Variants in MYT1 observed in about 807,000 individuals in gnomAD.
MYT1 encodes myelin transcription factor I.
In MYT1, 23 loss-of-function variants were observed where a neutral mutation model predicts 123.0. That is an observed-to-expected ratio of 0.19 (90% CI 0.13 to 0.26). The LOEUF is 0.26. Among genes scored for constraint, MYT1 ranks in the 10% least tolerant of loss-of-function variants. The pLI is 1.00. For synonymous variants in MYT1, 518 were observed against 575.3 expected, an observed-to-expected ratio of 0.90 and a Z score of 1.43; for missense variants, 1,125 against 1,472.5, an observed-to-expected ratio of 0.76 and a Z score of 3.86.
In MYT1 at chr20:64,219,346, A is replaced by G. The variant is rs113835594; in HGVS notation, c.1971+311A>G. ...CTGAGCCTGAGGGTGGTGCACACAC[A>G]TGCCCATGTGTTTCCTTCTGACTCC... On this transcript the variant is annotated intron_variant, in intron 12 of 22. Transcript: ENST00000328439. Among the ~76,000 whole-genome samples the G allele has an allele frequency of 1.6e-4, 25 of 152,330 alleles. 2 individuals carry two copies. Among genetic ancestry groups the G allele is most frequent in the African/African-American group, 5.8e-4 (24 of 41,588 alleles).
chr20:64,236,016 T>G (rs1458175491), intron 19 of MYT1, among the ~76,000 whole-genome samples: 4 of 119,218 alleles, frequency 3.4e-5, no homozygotes, highest in South Asian at 3.2e-4. Flanking sequence ...TGGGTGACCC[T>G]GGGCTGGCCG....
intron 4 of MYT1, among the ~76,000 whole-genome samples, chr20:64,204,390 A>G (rs1983417245): frequency 3.3e-5 from 5 of 152,188 alleles, no homozygotes; most frequent in Admixed American, 3.3e-4. Flanking sequence ...GCACAGCCCA[A>G]AAGTCTTCCA....
intron 2 of MYT1, among the ~76,000 whole-genome samples, chr20:64,195,338 C>T (rs1983078778): frequency 6.9e-6 from 1 of 145,612 alleles, no homozygotes; most frequent in Admixed American, 6.9e-5. Context: ...GTCTTCGTAC[C>T]ATGTCATGGT....
intron 16 of MYT1, among the ~76,000 whole-genome samples, chr20:64,224,024 A>G (rs1371463319): frequency 2.6e-5 from 4 of 152,172 alleles, no homozygotes; most frequent in African/African-American, 9.7e-5. Context: ...GCAAGCACCC[A>G]GAGGTTTCCA....
Position 64,198,927 on chromosome 20 carries a change from C to T in MYT1, c.55+11C>T. Reference sequence around the variant, plus strand: ...CCAAGGCCCTGCGAGGTGAGTGCCGCCCTCCCCTCCTCCAGGGCTGTAAAT... The same window carrying T: ...CCAAGGCCCTGCGAGGTGAGTGCCGTCCTCCCCTCCTCCAGGGCTGTAAAT... On this transcript the variant is annotated intron_variant, in intron 3 of 22. Transcript: ENST00000328439. The T allele has an allele frequency of 1.9e-6, 3 of 1,613,806 alleles. No homozygotes were observed. The highest frequency in any genetic ancestry group is 2.5e-6 in the Non-Finnish European group (3 of 1,179,714).
chr20:64,228,770 G>A (rs949796185), intron 18 of MYT1, among the ~76,000 whole-genome samples: 2 of 152,218 alleles, frequency 1.3e-5, no homozygotes, highest in Non-Finnish European at 2.9e-5. Context: ...GCCCAGGACC[G>A]AGGTACTTTC....
intron 8 of MYT1, among the ~76,000 whole-genome samples, 172 bp downstream of exon 8, chr20:64,211,512 C>T (rs538521868): frequency 6.3e-4 from 96 of 152,346 alleles, no homozygotes; most frequent in Non-Finnish European, 1.1e-3. Context: ...ACTCCCTCAG[C>T]CCAAACTTGA....
At chr20:64,220,710 C>T (rs1442036314) in intron 13 of MYT1, among the ~76,000 whole-genome samples, 2 of 152,220 alleles carry the variant, frequency 1.3e-5, no homozygotes, top group Non-Finnish European at 2.9e-5. Flanking sequence ...TTCCCCTCCC[C>T]CAAAGCCCCT....
Position 64,242,103 on chromosome 20 carries a change from G to T in MYT1, c.*1655G>T, listed in dbSNP as rs192936752. On this transcript the variant is annotated 3_prime_UTR_variant, in exon 23 of 23. Transcript: ENST00000328439. ...GGGAGTGCTGGCCGCAGGCAGCCTC[G>T]AGTCACCGCCAGGCTCACAGGCTGT... 1 of 152,560 alleles carries T rather than the reference G, an allele frequency of 6.6e-6. No homozygotes were observed. The highest frequency in any genetic ancestry group is 1.5e-5 in the Non-Finnish European group (1 of 68,040). 9.5% of individuals were successfully genotyped at this position (152,560 alleles called of 1,614,324 possible). A position where few individuals can be genotyped will look rare whatever the true frequency, so the allele number is the denominator to read the frequency against.
In MYT1 at chr20:64,167,218, T is replaced by G. The variant is rs1438258178; in HGVS notation, c.-99+2479T>G. 6.6e-6 allele frequency among the ~76,000 whole-genome samples: 1 copy of G among 152,168 alleles called. No homozygotes were observed. Among genetic ancestry groups the G allele is most frequent in the Non-Finnish European group, 1.5e-5 (1 of 68,014 alleles). On this transcript the variant is annotated intron_variant, in intron 1 of 22. Transcript: ENST00000328439. The surrounding 1 kb of genome is among the most constrained non-coding windows in gnomAD (Gnocchi z 6.3). Reference sequence around the variant, plus strand: ...GAGAGCAGGAGAGGTTCCTGAAGACTGACAAAGTGCCAGAGAGAAACCCGG... The same window carrying G: ...GAGAGCAGGAGAGGTTCCTGAAGACGGACAAAGTGCCAGAGAGAAACCCGG...
At chr20:64,173,321 G>A (rs759844332) in intron 1 of MYT1, among the ~76,000 whole-genome samples, 8 of 152,174 alleles carry the variant, frequency 5.3e-5, no homozygotes, top group Non-Finnish European at 1.0e-4. Context: ...GAGGTGGGCT[G>A]TTGGACAGGT....
Position 64,166,195 on chromosome 20 carries a change from G to T in MYT1, c.-99+1456G>T, listed in dbSNP as rs1011090184. Among the ~76,000 whole-genome samples, 1 of 152,226 alleles carries T rather than the reference G, an allele frequency of 6.6e-6. No homozygotes were observed. The highest frequency in any genetic ancestry group is 1.5e-5 in the Non-Finnish European group (1 of 68,036). ...AGAGAGCAGGGATTGGAGTCCTGTG[G>T]TACCAGCCAGGGTGCTGCTATCAGT... On this transcript the variant is annotated intron_variant, in intron 1 of 22. Coordinates refer to ENST00000328439, the MANE Select transcript of MYT1 (RefSeq NM_004535.3). The surrounding 1 kb of genome is among the most constrained non-coding windows in gnomAD (Gnocchi z 4.9).
At chr20:64,181,826 G>T (rs1982659924) in intron 1 of MYT1, among the ~76,000 whole-genome samples, 1 of 152,204 alleles carries the variant, frequency 6.6e-6, no homozygotes, top group South Asian at 2.1e-4. Flanking sequence ...GCTGGACCTA[G>T]TATTTCTGCT....
intron 19 of MYT1, 109 bp from the exon 20 acceptor site, chr20:64,236,446 C>G: frequency 2.5e-6 from 2 of 803,668 alleles, no homozygotes; most frequent in Non-Finnish European, 4.2e-6. Context: ...GGTGGGTGAC[C>G]CGGGGCTGGC....
intron 16 of MYT1, among the ~76,000 whole-genome samples, chr20:64,225,251 C>T (rs775139747): frequency 1.4e-4 from 21 of 152,210 alleles, no homozygotes; most frequent in Non-Finnish European, 2.6e-4. Context: ...CTGTGTGAGG[C>T]GGCATCGGGC....
chr20:64,194,406 C>T (rs1388819881), intron 2 of MYT1, among the ~76,000 whole-genome samples: 4 of 152,260 alleles, frequency 2.6e-5, no homozygotes, highest in African/African-American at 9.6e-5. Context: ...CTTGAACTCT[C>T]CCCTGAGCAC....
Position 64,207,993 on chromosome 20 carries a change from A to G in MYT1, c.797A>G (p.Glu266Gly). The change falls in exon 7 of 23, where the codon GAG becomes GGG. Residue 266 changes from glutamate (E) to glycine (G), a missense_variant. Glu to Gly is a moderately conservative substitution (Grantham distance 98). Around this residue, in one of 4 missense-constraint regions of MYT1, gnomAD observed 406 missense variants for 432.2 expected, o/e 0.94. Coordinates refer to ENST00000328439, the MANE Select transcript of MYT1 (RefSeq NM_004535.3). ...SHEEEDEEEE[E>G]EEEEEEEDEE... ...GAAGAGGAGGACGAGGAGGAGGAGG[A>G]GGAGGAAGAGGAGGAGGAGGAGGAT... 4.4e-6 allele frequency: 7 copies of G among 1,589,240 alleles called. No individual in the cohort carries two copies. The highest frequency in any genetic ancestry group is 1.7e-5 in the Admixed American group (1 of 57,362).
chr20:64,220,565 C>T (rs16984253), intron 13 of MYT1, among the ~76,000 whole-genome samples: 7,274 of 152,304 alleles, frequency 0.048, 429 homozygotes, highest in African/African-American at 0.13. Flanking sequence ...AAGAATCCTC[C>T]GAGGCCACAG....
Position 64,218,856 on chromosome 20 carries a change from C to T in MYT1, c.1847-55C>T, listed in dbSNP as rs759301867. ...CAAACCTTTCCCAAAGGCCTCTTCC[C>T]CCAGGCACAGCCCCTCCAGTAGTTA... On this transcript the variant is annotated intron_variant, in intron 11 of 22. Coordinates refer to ENST00000328439, the MANE Select transcript of MYT1 (RefSeq NM_004535.3). The surrounding 1 kb of genome is among the most constrained non-coding windows in gnomAD (Gnocchi z 4.0). 2.5e-6 allele frequency: 4 copies of T among 1,611,398 alleles called. No individual in the cohort carries two copies. The highest frequency in any genetic ancestry group is 1.1e-5 in the South Asian group (1 of 91,074).
Sources: allele counts gnomAD v4.1 joint callset (sites outside exome capture counted in the v4.1 genomes callset), GRCh38; gene constraint gnomAD v4.1.1; regional missense constraint gnomAD v4.1.1; non-coding constraint Gnocchi (gnomAD v3.1); transcripts MANE v1.5; gene names NCBI Gene and HGNC (gene_info 2026-07-23, HGNC 2026-07-21).